Variants in ERLN observed in about 807,000 individuals in gnomAD.
ERLN encodes endoregulin.
the ERLN span, chr17:75,647,710 T>C: frequency 1.3e-6 from 1 of 766,174 alleles, no homozygotes; most frequent in Non-Finnish European, 2.1e-6. Flanking sequence ...TCTAGTAAAA[T>C]ACTGTATCTG....
At chr17:75,647,407 T>C in the ERLN span, 1 of 1,549,776 alleles carries the variant, frequency 6.5e-7, no homozygotes, top group East Asian at 2.4e-5. Flanking sequence ...AGAGACAATC[T>C]GGAATGATGC....
chr17:75,647,321 A>G, the ERLN span: 2 of 1,467,984 alleles, frequency 1.4e-6, no homozygotes, highest in Non-Finnish European at 1.8e-6. Flanking sequence ...CACCTGGGAC[A>G]GGGCCTGGGA....
At chr17:75,647,640 C>T in the ERLN span, 12 of 1,438,294 alleles carry the variant, frequency 8.3e-6, no homozygotes, top group Non-Finnish European at 1.0e-5. Context: ...TGGGCCCCTT[C>T]GCGGTTCCCT....
chr17:75,647,785 C>T, the ERLN span: 1 of 531,440 alleles, frequency 1.9e-6, no homozygotes, highest in Non-Finnish European at 3.4e-6. Context: ...GCTCCTTGAC[C>T]CTATTGTTTT....
chr17:75,647,414 A>C, the ERLN span: 1 of 1,549,924 alleles, frequency 6.5e-7, no homozygotes, highest in Non-Finnish European at 8.7e-7. Flanking sequence ...ATCTGGAATG[A>C]TGCGTTCTGG....
At chr17:75,647,557 G>C in the ERLN span, 3 of 1,550,138 alleles carry the variant, frequency 1.9e-6, no homozygotes, top group African/African-American at 2.7e-5. Flanking sequence ...AGCGGGTGAA[G>C]AGGAGTGACC....
chr17:75,647,734 C>T, the ERLN span: 10 of 670,382 alleles, frequency 1.5e-5, 2 homozygotes, highest in Admixed American at 3.0e-4. Context: ...TAGGGTTGGT[C>T]AGACTAGTAA....
chr17:75,647,206 G>T, the ERLN span, among the ~76,000 whole-genome samples: 1 of 152,154 alleles, frequency 6.6e-6, no homozygotes, highest in Admixed American at 6.5e-5. Flanking sequence ...CTGGCTGCAG[G>T]CATCCAGCAC....
the ERLN span, chr17:75,647,527 A>G: frequency 1.9e-6 from 3 of 1,550,266 alleles, no homozygotes; most frequent in Non-Finnish European, 2.6e-6. Context: ...ACTCACTTCC[A>G]CAGAAAACAC....
the ERLN span, chr17:75,647,604 G>T: frequency 1.3e-6 from 2 of 1,539,862 alleles, no homozygotes; most frequent in Non-Finnish European, 1.8e-6. Flanking sequence ...CAGGGGAGGC[G>T]AGCTGACCTG....
the ERLN span, among the ~76,000 whole-genome samples, chr17:75,647,216 C>G: frequency 6.6e-6 from 1 of 152,190 alleles, no homozygotes; most frequent in Non-Finnish European, 1.5e-5. Context: ...GCATCCAGCA[C>G]AAAGACTCTA....
chr17:75,647,443 G>C, the ERLN span: 1 of 1,550,146 alleles, frequency 6.5e-7, no homozygotes, highest in Non-Finnish European at 8.7e-7. Flanking sequence ...CTGGGACCAG[G>C]GGGGCCTGGC....
chr17:75,647,315 T>A, the ERLN span: 10 of 1,453,558 alleles, frequency 6.9e-6, no homozygotes, highest in Non-Finnish European at 9.3e-7. Context: ...GCATAGCACC[T>A]GGGACAGGGC....
At chr17:75,647,719 T>TGG in the ERLN span, 1 of 722,136 alleles carries the variant, frequency 1.4e-6, no homozygotes, top group African/African-American at 1.8e-5. Flanking sequence ...ATACTGTATC[T>TGG]GGCTTAGGGT....
the ERLN span, chr17:75,647,699 G>C: frequency 1.2e-6 from 1 of 847,776 alleles, no homozygotes; most frequent in Non-Finnish European, 1.8e-6. Flanking sequence ...TCAGGAAAAA[G>C]TCTAGTAAAA....
chr17:75,647,490 C>A, the ERLN span: 2 of 1,550,382 alleles, frequency 1.3e-6, no homozygotes, highest in Admixed American at 3.9e-5. Context: ...TCCTGCTTCT[C>A]ATCTTATTTG....
the ERLN span, chr17:75,647,663 C>A: frequency 8.5e-7 from 1 of 1,177,210 alleles, no homozygotes; most frequent in Non-Finnish European, 1.2e-6. Context: ...GGCTCAGGGG[C>A]CAAGCCCTGG....
chr17:75,647,254 C>T, the ERLN span: 5 of 812,736 alleles, frequency 6.2e-6, no homozygotes, highest in Non-Finnish European at 7.6e-6. Context: ...GGCTGCCAGG[C>T]GGGCCGGCTG....
At chr17:75,647,383 C>T in the ERLN span, 1 of 1,548,514 alleles carries the variant, frequency 6.5e-7, no homozygotes, top group Non-Finnish European at 8.7e-7. Flanking sequence ...TCTCATGGAC[C>T]AACTGGTATT....
Sources: gnomAD v4.1 joint callset for allele counts (sites outside exome capture counted in the v4.1 genomes callset) on GRCh38, gnomAD v4.1.1 for gene constraint, MANE v1.5 for transcripts, NCBI Gene and HGNC (gene_info 2026-07-23, HGNC 2026-07-21) for gene names.